NCAM1: variants seen among roughly 807,000 people sequenced by gnomAD.
The protein encoded by NCAM1 is neural cell adhesion molecule 1, also known as antigen recognized by monoclonal antibody 5.1H11.
Under a neutral mutation model 109.8 loss-of-function variants are expected in NCAM1, and 14 were observed. The observed-to-expected ratio is 0.13, with a 90% CI of 0.08 to 0.20. The LOEUF (loss-of-function observed/expected upper bound fraction) is 0.20. Among genes scored for constraint, NCAM1 ranks in the 10% least tolerant of loss-of-function variants. The pLI is 1.00. For synonymous variants in NCAM1, 418 were observed against 442.9 expected (o/e 0.94, Z 0.70); for missense variants, 774 against 1,109.9 (o/e 0.70, Z 4.30).
intron 1 of NCAM1, among the ~76,000 whole-genome samples, chr11:113,052,382 T>C (rs1334977033): frequency 4.6e-5 from 7 of 152,230 alleles, no homozygotes; most frequent in African/African-American, 1.4e-4. Flanking sequence ...TCATCTTTTA[T>C]GAAATGTGAC....
chr11:113,013,785 TG>T (rs1555074878), intron 1 of NCAM1, among the ~76,000 whole-genome samples: 1 of 152,238 alleles, frequency 6.6e-6, no homozygotes, highest in African/African-American at 2.4e-5. Flanking sequence ...TTCCTTTATT[TG>T]AAACAAACAA....
rs551266176 is a variant in NCAM1, at chr11:113,246,222, A to G, written c.1826-146A>G. The G allele has an allele frequency of 7.1e-6, 4 of 563,676 alleles. No individual in the cohort carries two copies. In the East Asian group the frequency reaches 1.1e-4, roughly 16 times the overall value. The allele number at this position is 563,676 out of a possible 1,614,324, so 34.9% of individuals were successfully genotyped here. On this transcript the variant is annotated intron_variant, in intron 14 of 19. Transcript: ENST00000316851. ...TTGTTGTTGATTTTTCTCCCTGCCC[A>G]TTGTTTACATCAGTTTTTAATTTTT...
At chr11:113,090,864 C>A (rs1199139986) in intron 1 of NCAM1, among the ~76,000 whole-genome samples, 2 of 152,174 alleles carry the variant, frequency 1.3e-5, no homozygotes, top group Non-Finnish European at 2.9e-5. Flanking sequence ...TGTGAGTCAG[C>A]TATTGTGTTA....
intron 9 of NCAM1, among the ~76,000 whole-genome samples, chr11:113,227,700 C>A (rs141605034): frequency 2.6e-5 from 4 of 152,138 alleles, no homozygotes; most frequent in African/African-American, 7.2e-5. Context: ...ACTGGCAAAC[C>A]GAATCCAGCA....
At chr11:113,012,764 A>T (rs868948992) in intron 1 of NCAM1, among the ~76,000 whole-genome samples, 1 of 152,194 alleles carries the variant, frequency 6.6e-6, no homozygotes, top group Non-Finnish European at 1.5e-5. Context: ...AGCACATGTG[A>T]CAGCATCTTA....
intron 1 of NCAM1, among the ~76,000 whole-genome samples, chr11:113,137,577 T>C (rs1453244952): frequency 6.6e-6 from 1 of 152,238 alleles, no homozygotes; most frequent in Non-Finnish European, 1.5e-5. Context: ...ATGTCAAAAT[T>C]ACTTTCTTCA....
In NCAM1 at chr11:113,233,050, G is replaced by C; in HGVS notation, c.1523-97G>C. 1 of 1,282,504 alleles carries C rather than the reference G, an allele frequency of 7.8e-7. No individual in the cohort carries two copies. 79.4% of individuals were successfully genotyped at this position (1,282,504 alleles called of 1,614,324 possible). A position where few individuals can be genotyped will look rare whatever the true frequency, so the allele number is the denominator to read the frequency against. On this transcript the variant is annotated intron_variant, in intron 12 of 19. Transcript: ENST00000316851. This position sits in a 1 kb window ranked among gnomAD's most constrained non-coding sequence, Gnocchi z 4.5. ...GGATACAGTGACAGGATTCCCAAGAGTGAGCAGAAATGACAGAGATGTGCC... is the reference window on the plus strand; with the variant it reads ...GGATACAGTGACAGGATTCCCAAGACTGAGCAGAAATGACAGAGATGTGCC...
At chr11:113,249,016 C>A (rs1203185161) in intron 15 of NCAM1, among the ~76,000 whole-genome samples, 1 of 152,202 alleles carries the variant, frequency 6.6e-6, no homozygotes, top group Non-Finnish European at 1.5e-5. Flanking sequence ...GACTCCCCAC[C>A]AGCAGCATGT....
chr11:113,001,013 G>A (rs1032194913), intron 1 of NCAM1, among the ~76,000 whole-genome samples: 7 of 151,942 alleles, frequency 4.6e-5, no homozygotes, highest in Admixed American at 2.6e-4. Flanking sequence ...TTTGAAATGC[G>A]TGCTGCCCCA....
chr11:113,256,800 G>C (rs1945845768), intron 16 of NCAM1, among the ~76,000 whole-genome samples: 1 of 152,204 alleles, frequency 6.6e-6, no homozygotes. Flanking sequence ...TATAACCAAT[G>C]GCTGAGAGAT....
At chr11:113,091,935 T>A (rs1555089436) in intron 1 of NCAM1, among the ~76,000 whole-genome samples, 2 of 152,318 alleles carry the variant, frequency 1.3e-5, no homozygotes, top group African/African-American at 2.4e-5. Context: ...GTCTGCCCTT[T>A]GGTGTCCTCC....
chr11:113,095,772 G>A (rs1181562710), intron 1 of NCAM1, among the ~76,000 whole-genome samples: 1 of 152,202 alleles, frequency 6.6e-6, no homozygotes, highest in South Asian at 2.1e-4. Flanking sequence ...AGTTGGATTA[G>A]CCTTGTGCTT....
At chr11:113,048,291 CA>C (rs1555081175) in intron 1 of NCAM1, among the ~76,000 whole-genome samples, 1 of 152,206 alleles carries the variant, frequency 6.6e-6, no homozygotes, top group Non-Finnish European at 1.5e-5. Flanking sequence ...AATGTTAAAA[CA>C]ATGGGTATTT....
intron 1 of NCAM1, among the ~76,000 whole-genome samples, chr11:113,083,496 TA>T (rs1284086945): frequency 6.6e-6 from 1 of 152,232 alleles, no homozygotes; most frequent in Non-Finnish European, 1.5e-5. Context: ...CCATTGAATT[TA>T]AATGAATTAA....
intron 1 of NCAM1, among the ~76,000 whole-genome samples, chr11:113,193,692 A>G (rs1943765655): frequency 6.6e-6 from 1 of 152,068 alleles, no homozygotes. Flanking sequence ...AGAGAAAGAG[A>G]GAAAGAGAAA....
At chr11:113,162,724 C>G (rs369089449) in intron 1 of NCAM1, among the ~76,000 whole-genome samples, 1 of 152,088 alleles carries the variant, frequency 6.6e-6, no homozygotes, top group Admixed American at 6.5e-5. Flanking sequence ...TTATTGGATT[C>G]TGCCCTGTTT....
At chr11:113,179,384 C>T (rs1943263522) in intron 1 of NCAM1, among the ~76,000 whole-genome samples, 1 of 152,206 alleles carries the variant, frequency 6.6e-6, no homozygotes, top group South Asian at 2.1e-4. Flanking sequence ...AAGAATTTTG[C>T]AACAAGTTGA....
intron 14 of NCAM1, among the ~76,000 whole-genome samples, chr11:113,245,622 G>A (rs1945478212): frequency 6.6e-6 from 1 of 152,088 alleles, no homozygotes; most frequent in Non-Finnish European, 1.5e-5. Context: ...TTGACTTCAG[G>A]GAGGCTCACC....
intron 1 of NCAM1, among the ~76,000 whole-genome samples, chr11:112,978,006 C>T (rs1198918243): frequency 1.3e-5 from 2 of 151,734 alleles, no homozygotes; most frequent in Non-Finnish European, 2.9e-5. Flanking sequence ...AAGAAGAGTC[C>T]CTTTTGGCCA....
Sources: gnomAD v4.1 joint callset for allele counts (sites outside exome capture counted in the v4.1 genomes callset) on GRCh38, gnomAD v4.1.1 for gene constraint, Gnocchi (gnomAD v3.1) non-coding constraint, MANE v1.5 for transcripts, NCBI Gene and HGNC (gene_info 2026-07-23, HGNC 2026-07-21) for gene names.